Variants in KBTBD2 observed in about 807,000 individuals in gnomAD.
KBTBD2 encodes the protein kelch repeat and BTB domain-containing protein 2.
Under a neutral mutation model 57.1 loss-of-function variants are expected in KBTBD2, and 17 were observed. The ratio of observed to expected loss-of-function variants is 0.30; its 90% confidence interval spans 0.20 to 0.45. The LOEUF is 0.45. KBTBD2 is among the 20% of genes least tolerant of loss of function. The pLI, the probability that KBTBD2 is intolerant of heterozygous loss-of-function variation, is 1.00. For synonymous variants in KBTBD2, 267 were observed against 262.7 expected, an observed-to-expected ratio of 1.02 and a Z score of -0.16; for missense variants, 515 against 750.6, an observed-to-expected ratio of 0.69 and a Z score of 3.67.
chr7:32,869,498 C>G lies in KBTBD2; in HGVS notation c.1719G>C (p.Trp573Cys). 6.2e-7 allele frequency: 1 copy of G among 1,614,120 alleles called. No homozygotes were observed. The change falls in exon 4 of 4, where the codon TGG becomes TGC. Residue 573 changes from tryptophan (W) to cysteine (C), a missense_variant. By Grantham distance (215) the Trp-to-Cys change is radical (BLOSUM62 -2). Coordinates refer to ENST00000304056, the MANE Select transcript of KBTBD2 (RefSeq NM_015483.3). ...TGCATCGAAAATCTCTCCCCAAGTC[C>G]CACAGTACACGTTCAGATATATGCT... ...LRQHISERVL[W>C]DLGRDFRCTV... is the part of the protein sequence containing the mutation.
At position 32,869,903 on chromosome 7, in the gene KBTBD2, G is replaced by A. The variant is rs2127947197; in HGVS notation, c.1314C>T (p.Leu438=). Residue 438 remains leucine, a synonymous_variant, in exon 4 of 4, where the codon CTC becomes CTT. Transcript: ENST00000304056. ...CAGACCTTGGAAAATAACAGTACAT[G>A]AGGTTCAGTGTCATCACATAAATGC... ...HDCIYVMTLN[L]MYCYFPRSDS... 1 of 1,613,782 alleles carries A rather than the reference G, an allele frequency of 6.2e-7. No individual in the cohort carries two copies. Among genetic ancestry groups the A allele is most frequent in the Non-Finnish European group, 8.5e-7 (1 of 1,180,008 alleles).
rs1784078478 is a variant in KBTBD2, at chr7:32,868,436, A to C, written c.*909T>G. On this transcript the variant is annotated 3_prime_UTR_variant, in exon 4 of 4. Coordinates refer to ENST00000304056, the MANE Select transcript of KBTBD2 (RefSeq NM_015483.3). ...CACACGCACACAACAGGTTAAAAAA[A>C]ACACACCCTGACAGCTAACAGATCT... is the stretch of plus-strand genomic sequence containing the variant. The C allele has an allele frequency of 6.6e-6, 1 of 152,618 alleles. No individual in the cohort carries two copies. Among genetic ancestry groups the C allele is most frequent in the African/African-American group, 2.4e-5 (1 of 41,426 alleles). The allele number at this position is 152,618 out of a possible 1,614,324, so 9.5% of individuals were successfully genotyped here. A position where few individuals can be genotyped will look rare whatever the true frequency, so the allele number is the denominator to read the frequency against.
At chr7:32,881,241 C>A in intron 1 of KBTBD2, among the ~76,000 whole-genome samples, 1 of 151,200 alleles carries the variant, frequency 6.6e-6, no homozygotes, top group Non-Finnish European at 1.5e-5. Context: ...AGTCATACTG[C>A]ATACCATTCA....
chr7:32,888,387 C>T (rs1355302494), intron 1 of KBTBD2, among the ~76,000 whole-genome samples: 1 of 152,008 alleles, frequency 6.6e-6, no homozygotes, highest in Non-Finnish European at 1.5e-5. Context: ...TAGTTTTCTC[C>T]TTAGGAAGGA....
At chr7:32,881,966 G>T (rs1363542575) in intron 1 of KBTBD2, among the ~76,000 whole-genome samples, 1 of 152,086 alleles carries the variant, frequency 6.6e-6, no homozygotes, top group East Asian at 1.9e-4. Flanking sequence ...AGGTAGCAAT[G>T]GATAATCAAA....
At chr7:32,876,308 G>C (rs939316870) in intron 2 of KBTBD2, among the ~76,000 whole-genome samples, 1 of 152,152 alleles carries the variant, frequency 6.6e-6, no homozygotes, top group South Asian at 2.1e-4. Flanking sequence ...CATTCAAAAT[G>C]GATAAAACAG....
chr7:32,871,487 T>C (rs1017817920), intron 3 of KBTBD2, among the ~76,000 whole-genome samples: 1 of 152,220 alleles, frequency 6.6e-6, no homozygotes, highest in Non-Finnish European at 1.5e-5. Flanking sequence ...CTTAAGAAGG[T>C]AGATCTCAGT....
intron 1 of KBTBD2, among the ~76,000 whole-genome samples, chr7:32,891,308 C>T (rs1784733093): frequency 6.7e-6 from 1 of 148,572 alleles, no homozygotes; most frequent in African/African-American, 2.4e-5. Flanking sequence ...CTGCCCGGAG[C>T]TCCGCCGCCC....
intron 1 of KBTBD2, among the ~76,000 whole-genome samples, chr7:32,888,214 CTTT>C (rs745483964): frequency 4.6e-5 from 7 of 150,610 alleles, no homozygotes; most frequent in Non-Finnish European, 1.0e-4. Context: ...ATAATTTTTC[CTTT>C]TTTTTTCCTT....
intron 3 of KBTBD2, among the ~76,000 whole-genome samples, chr7:32,873,626 C>A (rs141872923): frequency 0.015 from 2,266 of 152,014 alleles, 54 homozygotes; most frequent in African/African-American, 0.052. Context: ...CCCAGCTATT[C>A]AGGAGGCTGA....
At chr7:32,874,103 A>T (rs1418295288) in intron 3 of KBTBD2, among the ~76,000 whole-genome samples, 1 of 152,060 alleles carries the variant, frequency 6.6e-6, no homozygotes, top group Non-Finnish European at 1.5e-5. Flanking sequence ...TCTCTACAAA[A>T]AATAAAAATA....
chr7:32,891,926 C>A (rs1317619142), upstream of KBTBD2: 4 of 138,306 alleles, frequency 2.9e-5, no homozygotes, highest in African/African-American at 1.0e-4. Flanking sequence ...CTCTCGCCCC[C>A]GCCCGCGGCC....
intron 1 of KBTBD2, among the ~76,000 whole-genome samples, chr7:32,880,414 A>C (rs1784417690): frequency 6.6e-6 from 1 of 152,168 alleles, no homozygotes; most frequent in Non-Finnish European, 1.5e-5. Context: ...TATTTAATTT[A>C]AACTATACGG....
At chr7:32,889,031 G>A (rs1376515984) in intron 1 of KBTBD2, among the ~76,000 whole-genome samples, 2 of 152,152 alleles carry the variant, frequency 1.3e-5, no homozygotes, top group South Asian at 4.1e-4. Flanking sequence ...GGGGAAAAGT[G>A]GCCAGGCGCA....
At chr7:32,887,536 T>C (rs937528020) in intron 1 of KBTBD2, among the ~76,000 whole-genome samples, 7 of 152,096 alleles carry the variant, frequency 4.6e-5, no homozygotes, top group African/African-American at 1.7e-4. Context: ...AAATAAATTA[T>C]ATAGTAGGAA....
At chr7:32,877,014 G>A (rs1257575614) in intron 2 of KBTBD2, among the ~76,000 whole-genome samples, 2 of 141,074 alleles carry the variant, frequency 1.4e-5, no homozygotes, top group Non-Finnish European at 3.0e-5. Flanking sequence ...AATAGGATCT[G>A]GTGCTTTTCT....
intron 3 of KBTBD2, chr7:32,874,407 TAAATAAATAA>T (rs1347602301): frequency 6.6e-6 from 1 of 150,574 alleles, no homozygotes; most frequent in Non-Finnish European, 1.5e-5. Context: ...CTCAAAAAAA[TAAATAAATAA>T]AAATAAATAA....
intron 1 of KBTBD2, chr7:32,891,212 G>A (rs1784728046): frequency 6.6e-6 from 1 of 150,644 alleles, no homozygotes; most frequent in South Asian, 2.1e-4. Flanking sequence ...GGCGCCGCCC[G>A]GGAGCCCCGC....
chr7:32,885,573 T>C (rs553386727), intron 1 of KBTBD2, among the ~76,000 whole-genome samples: 1 of 151,654 alleles, frequency 6.6e-6, no homozygotes, highest in Non-Finnish European at 1.5e-5. Context: ...CTTTGGGAAA[T>C]CCCTGTTATA....
Sources: gnomAD v4.1 joint callset for allele counts (sites outside exome capture counted in the v4.1 genomes callset) on GRCh38, gnomAD v4.1.1 for gene constraint, MANE v1.5 for transcripts, NCBI Gene and HGNC (gene_info 2026-07-23, HGNC 2026-07-21) for gene names.